The following ITGB1 variants were observed in gnomAD, a reference collection of about 807,000 sequenced individuals.
ITGB1 encodes the protein integrin subunit beta 1, also known as integrin beta-1.
ITGB1 carries 24 observed loss-of-function variants against 86.5 expected under a neutral mutation model. The observed-to-expected ratio is 0.28, with a 90% confidence interval of 0.20 to 0.39. The LOEUF is 0.39. Ranked by LOEUF, ITGB1 falls within the 10% of genes least tolerant of loss-of-function variation. The pLI is 1.00. For missense variants in ITGB1, 556 were observed against 946.9 expected, an observed-to-expected ratio of 0.59 and a Z score of 5.42; for synonymous variants, 323 against 316.8, an observed-to-expected ratio of 1.02 and a Z score of -0.21.
rs1395376963 is a variant in ITGB1, at chr10:32,925,891, T to C, written c.766A>G (p.Met256Val). Reference sequence around the variant, plus strand: ...CTTACTCCACAAACTGCAACTTGCATGATGGCATCGAAACCACCTTCTGGA... The same window carrying C: ...CTTACTCCACAAACTGCAACTTGCACGATGGCATCGAAACCACCTTCTGGA... The part of the protein sequence containing the change: ...DSPEGGFDAI[M>V]QVAVCGSLIG... The change falls in exon 6 of 16, where the codon ATG becomes GTG. Residue 256 changes from methionine (M) to valine (V), a missense_variant. Coordinates refer to ENST00000302278, the MANE Select transcript of ITGB1 (RefSeq NM_002211.4). The C allele has an allele frequency of 5.0e-6, 8 of 1,611,690 alleles. No individual in the cohort carries two copies. Among genetic ancestry groups the C allele is most frequent in the Non-Finnish European group, 6.8e-6 (8 of 1,177,754 alleles).
At chr10:32,907,615 CT>C (rs1325730225) in intron 15 of ITGB1, among the ~76,000 whole-genome samples, 2 of 152,124 alleles carry the variant, frequency 1.3e-5, no homozygotes, top group African/African-American at 4.8e-5. Flanking sequence ...CCTTACGCCC[CT>C]CTGTGGTCAA....
At chr10:32,953,901 CTA>C (rs915803548) in intron 1 of ITGB1, 1 of 152,166 alleles carries the variant, frequency 6.6e-6, no homozygotes, top group African/African-American at 2.4e-5. Context: ...CCAGAAATAC[CTA>C]TGTCACTCAC....
chr10:32,944,074 A>G (rs182250969), intron 1 of ITGB1, among the ~76,000 whole-genome samples: 5 of 152,344 alleles, frequency 3.3e-5, no homozygotes, highest in African/African-American at 1.2e-4. Flanking sequence ...GAGGAGCCGC[A>G]GGGGAAAAAG....
At chr10:32,942,444 T>A (rs2137252317) in intron 1 of ITGB1, among the ~76,000 whole-genome samples, 1 of 152,358 alleles carries the variant, frequency 6.6e-6, no homozygotes, top group South Asian at 2.1e-4. Context: ...AACACTCATT[T>A]CACTTCTAAC....
chr10:32,957,180 C>T (rs2095054067), intron 1 of ITGB1, among the ~76,000 whole-genome samples: 1 of 152,194 alleles, frequency 6.6e-6, no homozygotes, highest in Admixed American at 6.5e-5. Flanking sequence ...TATTACTGTT[C>T]CTATTTCACA....
chr10:32,929,159 C>G (rs2488330), intron 4 of ITGB1, among the ~76,000 whole-genome samples: 100,672 of 151,884 alleles, frequency 0.66, 37,729 homozygotes, highest in South Asian at 0.83. Context: ...TGATCAAGGA[C>G]AGAGCATTTC....
intron 6 of ITGB1, among the ~76,000 whole-genome samples, chr10:32,924,327 G>C (rs1409664716): frequency 6.6e-6 from 1 of 151,980 alleles, no homozygotes; most frequent in Non-Finnish European, 1.5e-5. Context: ...CTTTATCCTT[G>C]CCCTTTCCAA....
intron 1 of ITGB1, among the ~76,000 whole-genome samples, chr10:32,946,426 C>A (rs1048820101): frequency 5.3e-5 from 8 of 152,116 alleles, no homozygotes; most frequent in Non-Finnish European, 1.0e-4. Flanking sequence ...TGCTAGCATT[C>A]ACTGCCACCT....
At chr10:32,951,325 A>T (rs576044445) in intron 1 of ITGB1, among the ~76,000 whole-genome samples, 1 of 152,196 alleles carries the variant, frequency 6.6e-6, no homozygotes, top group South Asian at 2.1e-4. Context: ...ATAACAGGAA[A>T]ATCACACAAA....
intron 11 of ITGB1, 148 bp downstream of exon 11, chr10:32,919,737 A>AGTT (rs2137195933): frequency 4.9e-6 from 3 of 608,672 alleles, no homozygotes; most frequent in East Asian, 2.7e-5. Flanking sequence ...ACACAAGATC[A>AGTT]TCAAACTGAT....
At chr10:32,931,317 T>C (rs1169690938) in intron 3 of ITGB1, among the ~76,000 whole-genome samples, 1 of 152,178 alleles carries the variant, frequency 6.6e-6, no homozygotes, top group Non-Finnish European at 1.5e-5. Flanking sequence ...TTAAGGATTA[T>C]GCTCCAAAGC....
Position 32,911,663 on chromosome 10 carries a change from A to G in ITGB1, c.1716T>C (p.Gly572=). 6.2e-7 allele frequency: 1 copy of G among 1,614,018 alleles called. No homozygotes were observed. The highest frequency in any genetic ancestry group is 2.2e-5 in the East Asian group (1 of 44,888). ...ACTCACACACACGACACTTGCAAAC[A>G]CCATTTCCTGCAATTAAGCATATCA... ...RSNGLICGGN[G]VCKCRVCECN... is the part of the protein sequence containing the mutation. The change falls in exon 13 of 16, where the codon GGT becomes GGC. Residue 572 remains glycine, a synonymous_variant. Coordinates refer to ENST00000302278, the MANE Select transcript of ITGB1 (RefSeq NM_002211.4).
chr10:32,928,315 G>C (rs747409353), intron 4 of ITGB1, 51 bp from the exon 5 acceptor site: 1 of 751,192 alleles, frequency 1.3e-6, no homozygotes. Context: ...GCAATCAAAC[G>C]CAAACGAGAA....
intron 1 of ITGB1, among the ~76,000 whole-genome samples, chr10:32,944,251 G>C (rs919859622): frequency 6.6e-6 from 1 of 152,254 alleles, no homozygotes; most frequent in Non-Finnish European, 1.5e-5. Context: ...AAAACTGCTA[G>C]ACCAGAGTTC....
At chr10:32,940,516 C>T (rs940334171) in intron 1 of ITGB1, among the ~76,000 whole-genome samples, 1 of 152,106 alleles carries the variant, frequency 6.6e-6, no homozygotes, top group African/African-American at 2.4e-5. Flanking sequence ...TAATGTGTTG[C>T]ACTATGACAC....
intron 1 of ITGB1, among the ~76,000 whole-genome samples, chr10:32,954,680 T>C (rs1427927044): frequency 6.6e-6 from 1 of 152,208 alleles, no homozygotes; most frequent in Non-Finnish European, 1.5e-5. Flanking sequence ...GAACCTGTGC[T>C]TTGAAATTAT....
At chr10:32,949,652 CAAAT>C (rs1486336855) in intron 1 of ITGB1, among the ~76,000 whole-genome samples, 1 of 152,140 alleles carries the variant, frequency 6.6e-6, no homozygotes, top group African/African-American at 2.4e-5. Flanking sequence ...ACACCACCCA[CAAAT>C]AATCTCATTT....
chr10:32,907,213 TATAA>T (rs1480885037), intron 15 of ITGB1: 11 of 497,478 alleles, frequency 2.2e-5, no homozygotes, highest in Admixed American at 1.7e-4. Flanking sequence ...GTTTGAACAC[TATAA>T]ATGTCTTTTT....
chr10:32,944,289 G>A (rs536476973), intron 1 of ITGB1, among the ~76,000 whole-genome samples: 18 of 152,352 alleles, frequency 1.2e-4, no homozygotes, highest in South Asian at 4.1e-4. Context: ...CACAGTCCCC[G>A]CCCACTAGCA....
Sources: gnomAD v4.1 joint callset for allele counts (sites outside exome capture counted in the v4.1 genomes callset) on GRCh38, gnomAD v4.1.1 for gene constraint, MANE v1.5 for transcripts, NCBI Gene and HGNC (gene_info 2026-07-23, HGNC 2026-07-21) for gene names.